TMEM219: variants seen among roughly 807,000 people sequenced by gnomAD.
TMEM219 encodes the protein insulin-like growth factor-binding protein 3 receptor.
A neutral mutation model predicts 17.9 loss-of-function variants in TMEM219; 18 were observed. The observed-to-expected ratio is 1.01, with a 90% CI of 0.70 to 1.49. The LOEUF is 1.49. Among genes scored for constraint, TMEM219 ranks in the 40% most tolerant of loss-of-function variants. The pLI is 0.00. For synonymous variants in TMEM219, 113 were observed against 124.0 expected (o/e 0.91, Z 0.59); for missense variants, 288 against 292.4 (o/e 0.99, Z 0.11).
Position 29,963,590 on chromosome 16 carries a change from G to C in TMEM219, c.355+1G>C, listed in dbSNP as rs1290148111. ...CTGGGAAGTCAGATGGGATTGAAAG[G>C]TGAGATCAGAGGCTGGGTGTGGTGG... On this transcript the variant is annotated splice_donor_variant, in intron 3 of 5. Transcript: ENST00000279396. LOFTEE classifies it high-confidence loss of function. 17 of 1,613,124 alleles carry C rather than the reference G, an allele frequency of 1.1e-5. No individual in the cohort carries two copies. The highest frequency in any genetic ancestry group is 1.4e-5 in the Non-Finnish European group (17 of 1,179,470).
In TMEM219 at chr16:29,964,727, T is replaced by G. The variant is rs552856876; in HGVS notation, c.355+1138T>G. On this transcript the variant is annotated intron_variant, in intron 3 of 5. Transcript: ENST00000279396. ...GGTGAGATCACAGAGGACTGTGGGGTCGGGTATCAGAACACTCAGGGCTGG... is the reference window on the plus strand; with the variant it reads ...GGTGAGATCACAGAGGACTGTGGGGGCGGGTATCAGAACACTCAGGGCTGG... Among the ~76,000 whole-genome samples, 1,083 of 113,580 alleles carry G rather than the reference T, an allele frequency of 9.5e-3. 6 individuals are homozygous for G. Among genetic ancestry groups the G allele is most frequent in the Middle Eastern group, 0.028 (4 of 142 alleles). 74.5% of individuals were successfully genotyped at this position (113,580 alleles called of 152,430 possible). A position where few individuals can be genotyped will look rare whatever the true frequency, so the allele number is the denominator to read the frequency against.
chr16:29,967,057 A>C (rs1319037091), intron 3 of TMEM219, among the ~76,000 whole-genome samples: 1 of 152,184 alleles, frequency 6.6e-6, no homozygotes. Context: ...CCAAGTGAGA[A>C]ACTGCTTTCT....
chr16:29,967,402 A>G (rs930389809), intron 3 of TMEM219, among the ~76,000 whole-genome samples: 1 of 152,108 alleles, frequency 6.6e-6, no homozygotes, highest in Non-Finnish European at 1.5e-5. Context: ...TGAGCCCAGG[A>G]GTTTGAGTCC....
chr16:29,968,027 T>G lies in TMEM219; in HGVS notation c.358T>G (p.Ser120Ala), dbSNP rs1406627555. ...VLGSQMGLKG[S>A]SAGQLVLITA... ...TTTCTCTTCTGTGCCTTTCACAGGATCTTCTGCAGGACAACTGGTCCTTAT... is the reference window on the plus strand; with the variant it reads ...TTTCTCTTCTGTGCCTTTCACAGGAGCTTCTGCAGGACAACTGGTCCTTAT... Residue 120 changes from serine to alanine, a missense_variant and splice_region_variant, in exon 4 of 6, where the codon TCT becomes GCT. By Grantham distance (99) the Ser-to-Ala change is moderately conservative. Transcript: ENST00000279396. 2 of 1,612,870 alleles carry G rather than the reference T, an allele frequency of 1.2e-6. No homozygotes were observed. Among genetic ancestry groups the G allele is most frequent in the South Asian group, 2.2e-5 (2 of 91,062 alleles).
Position 29,963,478 on chromosome 16 carries a change from G to A in TMEM219, c.244G>A (p.Gly82Arg), listed in dbSNP as rs918353197. Reference sequence around the variant, plus strand: ...TGGGACAGTCACAGGGAAGTGGCGAGGGTCTCACGTCGTGGGCTTGCTGAC... The same window carrying A: ...TGGGACAGTCACAGGGAAGTGGCGAAGGTCTCACGTCGTGGGCTTGCTGAC... The part of the protein sequence containing the change: ...RNGTVTGKWR[G>R]SHVVGLLTTL... The change falls in exon 3 of 6, where the codon GGG becomes AGG. Residue 82 changes from glycine (G) to arginine (R), a missense_variant. By Grantham distance (125) the Gly-to-Arg change is moderately radical. Coordinates refer to ENST00000279396, the MANE Select transcript of TMEM219 (RefSeq NM_001083613.2). 1.2e-6 allele frequency: 2 copies of A among 1,614,228 alleles called. No individual in the cohort carries two copies. The highest frequency in any genetic ancestry group is 1.7e-6 in the Non-Finnish European group (2 of 1,180,034).
rs1459839364 is a variant in TMEM219 at position 29,971,760 on chromosome 16, T to C, written c.*33+182T>C. On this transcript the variant is annotated intron_variant, in intron 5 of 5. Transcript: ENST00000279396. ...ACAATTTGACACCGTCAGCATTCAA[T>C]ATTTTTCTAATTACTTTAACTTTTT... is the stretch of plus-strand genomic sequence containing the variant. The C allele has an allele frequency of 3.5e-5, 17 of 479,824 alleles. No individual in the cohort carries two copies. The East Asian group carries it at 4.8e-4, about 14-fold the overall frequency. 29.7% of individuals were successfully genotyped at this position (479,824 alleles called of 1,614,324 possible).
At chr16:29,969,054 G>C (rs1042802399) in intron 4 of TMEM219, among the ~76,000 whole-genome samples, 3 of 152,122 alleles carry the variant, frequency 2.0e-5, no homozygotes, top group African/African-American at 4.8e-5. Context: ...ATGCGCACAG[G>C]CCTAGAGATT....
Position 29,962,138 on chromosome 16 carries a change from A to G in TMEM219, c.-38+6A>G, listed in dbSNP as rs933130918. The G allele has an allele frequency of 7.9e-5, 12 of 151,752 alleles. No homozygotes were observed. Among genetic ancestry groups the G allele is most frequent in the African/African-American group, 2.7e-4 (11 of 41,304 alleles). 9.4% of individuals were successfully genotyped at this position (151,752 alleles called of 1,614,324 possible). On this transcript the variant is annotated splice_donor_region_variant and intron_variant, in intron 1 of 5. Transcript: ENST00000279396. ...CCTCCGCCCGGCCCCGAGGGGTAAG[A>G]GCGAGCGGCTGGCGGATCCGACGCG...
intron 5 of TMEM219, chr16:29,971,827 T>C (rs9925102): frequency 0.41 from 118,306 of 285,432 alleles, 24,978 homozygotes; most frequent in South Asian, 0.47. Context: ...AGTCCAATAG[T>C]ATAAAAGGAC....
intron 3 of TMEM219, among the ~76,000 whole-genome samples, chr16:29,964,670 C>A (rs890977185): frequency 1.3e-5 from 2 of 151,896 alleles, no homozygotes; most frequent in African/African-American, 2.4e-5. Flanking sequence ...CCGCGCCCCC[C>A]CCACCACCCT....
chr16:29,970,451 A>T (rs2069269285), intron 4 of TMEM219, among the ~76,000 whole-genome samples: 1 of 151,148 alleles, frequency 6.6e-6, no homozygotes, highest in Non-Finnish European at 1.5e-5. Flanking sequence ...CAGCCTCCCA[A>T]GTAGCTGGGA....
At position 29,971,393 on chromosome 16, in the gene TMEM219, TG is replaced by T; in HGVS notation, c.586-14del. 1 of 1,613,994 alleles carries T rather than the reference TG, an allele frequency of 6.2e-7. No individual in the cohort carries two copies. Among genetic ancestry groups the T allele is most frequent in the Non-Finnish European group, 8.5e-7 (1 of 1,179,956 alleles). Reference sequence around the variant, plus strand: ...TAACATGTCCTCCTCCTCCTCTCCCTGTACCCCTCCCTAGGAGGAGCTGGCT... The same window carrying T: ...TAACATGTCCTCCTCCTCCTCTCCCTTACCCCTCCCTAGGAGGAGCTGGCT... On this transcript the variant is annotated splice_polypyrimidine_tract_variant and intron_variant, in intron 4 of 5. Coordinates refer to ENST00000279396, the MANE Select transcript of TMEM219 (RefSeq NM_001083613.2).
At position 29,963,516 on chromosome 16, in the gene TMEM219, C is replaced by T. The variant is rs371821689; in HGVS notation, c.282C>T (p.Phe94=). 6 of 1,614,024 alleles carry T rather than the reference C, an allele frequency of 3.7e-6. No homozygotes were observed. Among genetic ancestry groups the T allele is most frequent in the African/African-American group, 2.7e-5 (2 of 74,908 alleles). The change falls in exon 3 of 6, where the codon TTC becomes TTT. Residue 94 remains phenylalanine, a synonymous_variant. Coordinates refer to ENST00000279396, the MANE Select transcript of TMEM219 (RefSeq NM_001083613.2). ...HVVGLLTTLN[F]GDGPDRNKTR... ...TGGGCTTGCTGACCACCTTGAACTT[C>T]GGAGACGGTCCAGACAGGAACAAGA...
Position 29,968,076 on chromosome 16 carries a change from G to C in TMEM219, c.407G>C (p.Arg136Thr). Residue 136 changes from arginine (R) to threonine (T), a missense_variant, in exon 4 of 6, where the codon AGG becomes ACG. Transcript: ENST00000279396. Reference sequence around the variant, plus strand: ...ATCACAGCCAGGGTGACCACAGAAAGGACTGCAGGAACCTGCCTATATTTT... The same window carrying C: ...ATCACAGCCAGGGTGACCACAGAAACGACTGCAGGAACCTGCCTATATTTT... ...VLITARVTTERTAGTCLYFSA... is the reference protein window; with the variant it reads ...VLITARVTTETTAGTCLYFSA... 1.2e-6 allele frequency: 2 copies of C among 1,614,222 alleles called. No homozygotes were observed. The highest frequency in any genetic ancestry group is 1.7e-6 in the Non-Finnish European group (2 of 1,180,044).
chr16:29,964,694 AAAAGT>A (rs1842244156), intron 3 of TMEM219, among the ~76,000 whole-genome samples: 1 of 152,010 alleles, frequency 6.6e-6, no homozygotes, highest in African/African-American at 2.4e-5. Flanking sequence ...CCAAAAAAAA[AAAAGT>A]AAGGTGAGAT....
rs754228601 is a variant in TMEM219 at position 29,963,259 on chromosome 16, G to A, written c.116G>A (p.Ser39Asn). 4 of 1,614,102 alleles carry A rather than the reference G, an allele frequency of 2.5e-6. No homozygotes were observed. Among genetic ancestry groups the A allele is most frequent in the Non-Finnish European group, 3.4e-6 (4 of 1,180,034 alleles). ...GGCCTCTCTGGCCTGGGCCTTGGCA[G>A]CTTCCTCCTCACCCACAGGACTGGC... ...LLGLSGLGLG[S>N]FLLTHRTGLR... is the part of the protein sequence containing the mutation. The change falls in exon 2 of 6, where the codon AGC (serine) becomes AAC (asparagine). Residue 39 changes from serine (S) to asparagine (N), a missense_variant. Physicochemically the swap from Ser to Asn is conservative, Grantham distance 46 (BLOSUM62 1). Coordinates refer to ENST00000279396, the MANE Select transcript of TMEM219 (RefSeq NM_001083613.2).
Position 29,963,287 on chromosome 16 carries a change from G to A in TMEM219, c.144G>A (p.Leu48=). 1 of 1,614,114 alleles carries A rather than the reference G, an allele frequency of 6.2e-7. No individual in the cohort carries two copies. Among genetic ancestry groups the A allele is most frequent in the Admixed American group, 1.7e-5 (1 of 60,024 alleles). The change falls in exon 2 of 6, where the codon CTG becomes CTA. Residue 48 remains leucine (L), a synonymous_variant. Transcript: ENST00000279396. ...TCCTCCTCACCCACAGGACTGGCCTGCGCAGCCCTGACATCCCCCAGGTAA... is the reference window on the plus strand; with the variant it reads ...TCCTCCTCACCCACAGGACTGGCCTACGCAGCCCTGACATCCCCCAGGTAA... ...GSFLLTHRTG[L]RSPDIPQDWV...
intron 2 of TMEM219, 23 bp from the exon 3 acceptor site, chr16:29,963,377 C>G (rs1157524232): frequency 9.3e-6 from 15 of 1,613,600 alleles, no homozygotes; most frequent in Non-Finnish European, 1.2e-5. Context: ...AATCTCATCT[C>G]ACCCGTCTTC....
chr16:29,969,193 T>G (rs1176313959), intron 4 of TMEM219, among the ~76,000 whole-genome samples: 2 of 133,470 alleles, frequency 1.5e-5, no homozygotes, highest in Non-Finnish European at 3.3e-5. Flanking sequence ...TCTTTTTCGC[T>G]TTTTTTTTTT....
Sources: gnomAD v4.1 joint callset for allele counts (sites outside exome capture counted in the v4.1 genomes callset) on GRCh38, gnomAD v4.1.1 for gene constraint, MANE v1.5 for transcripts, NCBI Gene and HGNC (gene_info 2026-07-23, HGNC 2026-07-21) for gene names.